PRKCA: variants seen among roughly 807,000 people sequenced by gnomAD.
PRKCA encodes protein kinase C alpha type.
A neutral mutation model predicts 87.0 loss-of-function variants in PRKCA; 27 were observed. The ratio of observed to expected loss-of-function variants is 0.31; its 90% CI spans 0.23 to 0.43. PRKCA has a LOEUF of 0.43. Ranked by LOEUF, PRKCA falls within the 20% of genes least tolerant of loss-of-function variation. The probability of loss-of-function intolerance (pLI) is 1.00; values close to 1 mark genes in which losing one functional copy is unlikely to be tolerated. For synonymous variants in PRKCA, 329 were observed against 311.1 expected, an observed-to-expected ratio of 1.06 and a Z score of -0.61; for missense variants, 518 against 852.3, an observed-to-expected ratio of 0.61 and a Z score of 4.88.
At chr17:66,707,020 C>A (rs1315924146) in intron 8 of PRKCA, among the ~76,000 whole-genome samples, 1 of 152,114 alleles carries the variant, frequency 6.6e-6, no homozygotes, top group Non-Finnish European at 1.5e-5. Flanking sequence ...AGGACCCAGA[C>A]CTCCTGTGTG....
intron 3 of PRKCA, among the ~76,000 whole-genome samples, chr17:66,524,495 G>T (rs973347978): frequency 6.6e-6 from 1 of 152,158 alleles, no homozygotes; most frequent in Non-Finnish European, 1.5e-5. Flanking sequence ...CAGTTGACTT[G>T]AGATGACCCA....
chr17:66,716,618 T>G (rs977217482), intron 8 of PRKCA, among the ~76,000 whole-genome samples: 2 of 151,874 alleles, frequency 1.3e-5, no homozygotes, highest in African/African-American at 4.8e-5. Flanking sequence ...CCACCAAGAT[T>G]AGCGATCCTA....
chr17:66,550,950 C>G (rs1226037304), intron 3 of PRKCA, among the ~76,000 whole-genome samples: 2 of 152,190 alleles, frequency 1.3e-5, no homozygotes, highest in African/African-American at 4.8e-5. Flanking sequence ...CTTTTAAAGC[C>G]TATATAACAT....
chr17:66,693,545 A>C (rs1019029837), intron 8 of PRKCA, among the ~76,000 whole-genome samples: 3 of 152,052 alleles, frequency 2.0e-5, no homozygotes, highest in African/African-American at 7.2e-5. Context: ...ATTCCCCTGA[A>C]TCTCCAGGCA....
At chr17:66,439,854 G>A (rs765042723) in intron 2 of PRKCA, among the ~76,000 whole-genome samples, 102 of 152,198 alleles carry the variant, frequency 6.7e-4, no homozygotes, top group Non-Finnish European at 1.2e-3. Flanking sequence ...AGCAGAGAAA[G>A]GGAATCAGCA....
chr17:66,433,611 C>G (rs1021102039), intron 2 of PRKCA, among the ~76,000 whole-genome samples: 1 of 152,104 alleles, frequency 6.6e-6, no homozygotes, highest in Non-Finnish European at 1.5e-5. Context: ...GTGGTGTTCT[C>G]TCAGCTCACT....
intron 13 of PRKCA, among the ~76,000 whole-genome samples, chr17:66,759,501 G>A (rs548396809): frequency 5.9e-4 from 89 of 149,766 alleles, no homozygotes; most frequent in Non-Finnish European, 7.7e-4. Context: ...AGCTAAACCC[G>A]CAAGAGGCAG....
intron 2 of PRKCA, among the ~76,000 whole-genome samples, chr17:66,387,432 A>G (rs908695702): frequency 6.6e-5 from 10 of 152,294 alleles, no homozygotes; most frequent in African/African-American, 2.2e-4. Context: ...GACTCTTGAC[A>G]AAGTTGAGAA....
intron 2 of PRKCA, among the ~76,000 whole-genome samples, chr17:66,315,818 C>T (rs1567768124): frequency 6.6e-6 from 1 of 152,194 alleles, no homozygotes; most frequent in Non-Finnish European, 1.5e-5. Flanking sequence ...TAATGTGCTT[C>T]CTGCCTGTAG....
At chr17:66,739,575 G>A (rs1037557367) in intron 11 of PRKCA, among the ~76,000 whole-genome samples, 2 of 152,166 alleles carry the variant, frequency 1.3e-5, no homozygotes, top group Non-Finnish European at 2.9e-5. Flanking sequence ...AGAGACTTGC[G>A]CAGGATACCA....
At chr17:66,606,816 A>T (rs924224589) in intron 3 of PRKCA, among the ~76,000 whole-genome samples, 8 of 152,172 alleles carry the variant, frequency 5.3e-5, no homozygotes, top group Non-Finnish European at 1.0e-4. Context: ...ATACAAAAAT[A>T]TAAAAATGAA....
At chr17:66,627,803 G>T (rs1361057819) in intron 3 of PRKCA, among the ~76,000 whole-genome samples, 2 of 152,044 alleles carry the variant, frequency 1.3e-5, no homozygotes, top group Non-Finnish European at 2.9e-5. Flanking sequence ...TGGAAATTCA[G>T]TATCCCCCCC....
chr17:66,559,018 G>A (rs1390781275), intron 3 of PRKCA, among the ~76,000 whole-genome samples: 1 of 152,184 alleles, frequency 6.6e-6, no homozygotes, highest in African/African-American at 2.4e-5. Context: ...CCATCCCCAT[G>A]CATTCGAACA....
intron 8 of PRKCA, among the ~76,000 whole-genome samples, chr17:66,725,138 C>T (rs1973712783): frequency 6.6e-6 from 1 of 152,186 alleles, no homozygotes; most frequent in Non-Finnish European, 1.5e-5. Flanking sequence ...ACCCTAAAGG[C>T]AGAGAGCCCT....
chr17:66,303,702 A>G (rs2143087407), intron 1 of PRKCA, among the ~76,000 whole-genome samples: 1 of 152,226 alleles, frequency 6.6e-6, no homozygotes, highest in African/African-American at 2.4e-5. Context: ...AGAGGGACTC[A>G]TTTAAAATAG....
At position 66,715,735 on chromosome 17, in the gene PRKCA, T is replaced by G. The variant is rs542738496; in HGVS notation, c.919-16953T>G. Among the ~76,000 whole-genome samples, 97 of 144,022 alleles carry G rather than the reference T, an allele frequency of 6.7e-4. 1 individual carries two copies. The South Asian group carries it at 0.018, about 27-fold the overall frequency. The allele number at this position is 144,022 out of a possible 152,430, so 94.5% of individuals were successfully genotyped here. On this transcript the variant is annotated intron_variant, in intron 8 of 16. Transcript: ENST00000413366. The stretch of plus-strand genomic sequence containing the variant: ...AGGTCATCTACTATAAAGGATACAG[T>G]TTTTTTTTTGCATCTGCGTAGATAC...
intron 2 of PRKCA, among the ~76,000 whole-genome samples, chr17:66,468,022 A>G (rs555562598): frequency 2.0e-5 from 3 of 152,180 alleles, no homozygotes; most frequent in Non-Finnish European, 2.9e-5. Context: ...GGAACTCCTC[A>G]TTAGCTGTTT....
chr17:66,459,425 G>C (rs1484668253), intron 2 of PRKCA, among the ~76,000 whole-genome samples: 1 of 152,188 alleles, frequency 6.6e-6, no homozygotes, highest in Non-Finnish European at 1.5e-5. Flanking sequence ...GATCAAATTA[G>C]ATTCTCTACC....
intron 3 of PRKCA, among the ~76,000 whole-genome samples, chr17:66,582,267 G>A (rs1358945092): frequency 6.6e-6 from 1 of 152,196 alleles, no homozygotes. Context: ...TGTGCTACAG[G>A]TGGAATATCC....
Sources: allele counts gnomAD v4.1 joint callset (sites outside exome capture counted in the v4.1 genomes callset), GRCh38; gene constraint gnomAD v4.1.1; transcripts MANE v1.5; gene names NCBI Gene and HGNC (gene_info 2026-07-23, HGNC 2026-07-21).